Variants in CHODL observed in about 807,000 individuals in gnomAD.
CHODL encodes transmembrane protein MT75.
CHODL carries 29 observed loss-of-function variants against 34.5 expected under a neutral mutation model. The observed-to-expected ratio is 0.84, with a 90% CI of 0.63 to 1.15. The LOEUF (loss-of-function observed/expected upper bound fraction) is 1.15. Ranked by LOEUF, CHODL falls within the 50% of genes most tolerant of loss-of-function variation. The pLI, the probability that CHODL is intolerant of heterozygous loss-of-function variation, is 0.00. For missense variants in CHODL, 332 were observed against 332.5 expected (o/e 1.00, Z 0.01); for synonymous variants, 125 against 116.1 (o/e 1.08, Z -0.49).
rs1158234948 is a variant in CHODL, at chr21:17,934,400, A to G, written c.-145+17000A>G. On this transcript the variant is annotated intron_variant, in intron 1 of 6. Coordinates refer to the CHODL transcript ENST00000400127. ...GGTAAATGACAATGGAGAGCTTTTT[A>G]ATACTCAGTTCACATTTTGTCTGTC... Among the ~76,000 whole-genome samples, 6 of 151,628 alleles carry G rather than the reference A, an allele frequency of 4.0e-5. No individual in the cohort carries two copies. In the East Asian group the frequency reaches 1.2e-3, roughly 30 times the overall value.
chr21:18,105,713 A>C (rs960700711), intron 2 of CHODL, among the ~76,000 whole-genome samples: 1 of 152,204 alleles, frequency 6.6e-6, no homozygotes. Flanking sequence ...AGGTGATTCT[A>C]ATGTGAGAAT....
intron 1 of CHODL, among the ~76,000 whole-genome samples, chr21:17,936,182 T>C (rs959590929): frequency 7.2e-5 from 11 of 152,186 alleles, no homozygotes; most frequent in African/African-American, 2.7e-4. Flanking sequence ...GCAATTTCAG[T>C]ATCCCAGGCA....
intron 1 of CHODL, among the ~76,000 whole-genome samples, chr21:18,021,705 G>A (rs1018503715): frequency 6.6e-6 from 1 of 152,160 alleles, no homozygotes; most frequent in Non-Finnish European, 1.5e-5. Flanking sequence ...AAAATGTTTA[G>A]ATGTTGTATA....
intron 5 of CHODL, among the ~76,000 whole-genome samples, chr21:18,264,003 G>C (rs1455226123): frequency 6.6e-6 from 1 of 150,834 alleles, no homozygotes; most frequent in Non-Finnish European, 1.5e-5. Flanking sequence ...AAGTTGTGCT[G>C]ATCTTACTTA....
intron 2 of CHODL, among the ~76,000 whole-genome samples, chr21:18,158,254 TG>T (rs1003923242): frequency 6.6e-6 from 1 of 152,150 alleles, no homozygotes; most frequent in Non-Finnish European, 1.5e-5. Flanking sequence ...CTTTCAATCT[TG>T]AGTACTATTA....
At chr21:18,121,546 A>G (rs1362623787) in intron 2 of CHODL, among the ~76,000 whole-genome samples, 4 of 152,122 alleles carry the variant, frequency 2.6e-5, no homozygotes, top group Non-Finnish European at 5.9e-5. Flanking sequence ...CTCCTCACTC[A>G]TCTTCATTTC....
At chr21:18,028,147 C>G (rs532703625) in intron 2 of CHODL, among the ~76,000 whole-genome samples, 1 of 152,126 alleles carries the variant, frequency 6.6e-6, no homozygotes, top group South Asian at 2.1e-4. Flanking sequence ...TTTTTTTGAA[C>G]AAGTAAATTA....
Position 17,945,637 on chromosome 21 carries a change from A to G in CHODL, c.-145+28237A>G, listed in dbSNP as rs905714326. Reference sequence around the variant, plus strand: ...TCAAGAAACTAAACCTTTCAATCACAGGAATTCCAGAAGGAGAACAAAGAG... The same window carrying G: ...TCAAGAAACTAAACCTTTCAATCACGGGAATTCCAGAAGGAGAACAAAGAG... On this transcript the variant is annotated intron_variant, in intron 1 of 6. Transcript: ENST00000400127. 3.3e-5 allele frequency among the ~76,000 whole-genome samples: 5 copies of G among 152,314 alleles called. No homozygotes were observed. In the East Asian group the frequency reaches 9.6e-4, roughly 29 times the overall value.
At chr21:18,237,530 G>A (rs1187022754) in intron 2 of CHODL, among the ~76,000 whole-genome samples, 1 of 152,116 alleles carries the variant, frequency 6.6e-6, no homozygotes, top group East Asian at 1.9e-4. Context: ...CTTTACAGGA[G>A]TAAGGAAGTG....
At chr21:18,097,069 T>C (rs556885021) in intron 2 of CHODL, among the ~76,000 whole-genome samples, 1 of 152,188 alleles carries the variant, frequency 6.6e-6, no homozygotes, top group Non-Finnish European at 1.5e-5. Context: ...AAGGAATATA[T>C]CTCAACATAA....
At chr21:18,046,575 T>G (rs1352683143) in intron 2 of CHODL, among the ~76,000 whole-genome samples, 3 of 151,922 alleles carry the variant, frequency 2.0e-5, no homozygotes, top group African/African-American at 7.2e-5. Context: ...TGGCAATGAC[T>G]AGTAGAGGAA....
intron 1 of CHODL, among the ~76,000 whole-genome samples, chr21:17,964,597 A>C (rs574928226): frequency 6.6e-6 from 1 of 152,306 alleles, no homozygotes; most frequent in South Asian, 2.1e-4. Context: ...TGTTTTAGAA[A>C]GGTTTGTTTT....
intron 2 of CHODL, among the ~76,000 whole-genome samples, chr21:18,040,383 G>T (rs140203138): frequency 1.3e-5 from 2 of 151,904 alleles, no homozygotes; most frequent in East Asian, 1.9e-4. Flanking sequence ...CCATTAACTG[G>T]CAGTGGCTCA....
At position 18,117,705 on chromosome 21, in the gene CHODL, GATAAA is replaced by G. The variant is rs531969148; in HGVS notation, c.-45+89740_-45+89744del. Among the ~76,000 whole-genome samples, 151 of 147,208 alleles carry G rather than the reference GATAAA, an allele frequency of 1.0e-3. 2 individuals are homozygous for G. The South Asian group carries it at 0.018, about 18-fold the overall frequency. On this transcript the variant is annotated intron_variant, in intron 2 of 6. Transcript: ENST00000400127. ...TAATTAAATAAGAATAAATAAATAA[GATAAA>G]ATAAATAAATAAATAAGAAGAAATA...
At chr21:17,944,650 G>T (rs2063391230) in intron 1 of CHODL, among the ~76,000 whole-genome samples, 1 of 152,174 alleles carries the variant, frequency 6.6e-6, no homozygotes, top group Non-Finnish European at 1.5e-5. Context: ...CTTGTGGCCA[G>T]CCTGACCAGA....
chr21:18,210,931 T>A (rs943306777), intron 2 of CHODL, among the ~76,000 whole-genome samples: 10 of 152,094 alleles, frequency 6.6e-5, no homozygotes, highest in African/African-American at 2.4e-4. Flanking sequence ...TTTACACTGT[T>A]TGGCACTTGT....
rs192909139 is a variant in CHODL at position 18,071,434 on chromosome 21, C to T, written c.-45+43463C>T. On this transcript the variant is annotated intron_variant, in intron 2 of 6. Transcript: ENST00000400127. ...TGCTAGGATTACAGGCATGAGTCAC[C>T]GCACCCGGCCAGCTACAGCTCTTTC... is the stretch of plus-strand genomic sequence containing the variant. Among the ~76,000 whole-genome samples, 246 of 152,100 alleles carry T rather than the reference C, an allele frequency of 1.6e-3. 2 individuals are homozygous for T. Among genetic ancestry groups the T allele is most frequent in the African/African-American group, 5.2e-3 (217 of 41,486 alleles).
At chr21:18,064,139 T>C (rs1340328807) in intron 2 of CHODL, among the ~76,000 whole-genome samples, 1 of 152,188 alleles carries the variant, frequency 6.6e-6, no homozygotes, top group African/African-American at 2.4e-5. Context: ...TTACAATATA[T>C]TTTAAATTGT....
chr21:17,998,282 C>T (rs1326432008), intron 1 of CHODL, among the ~76,000 whole-genome samples: 1 of 152,196 alleles, frequency 6.6e-6, no homozygotes, highest in South Asian at 2.1e-4. Flanking sequence ...TGGTCTTGGG[C>T]AGCTCCACCC....
Sources: allele counts gnomAD v4.1 joint callset (sites outside exome capture counted in the v4.1 genomes callset), GRCh38; gene constraint gnomAD v4.1.1; transcripts MANE v1.5; gene names NCBI Gene and HGNC (gene_info 2026-07-23, HGNC 2026-07-21).